OPN3: variants seen among roughly 807,000 people sequenced by gnomAD.
The protein encoded by OPN3 is opsin 3.
A neutral mutation model predicts 33.8 loss-of-function variants in OPN3; 29 were observed. That is an observed-to-expected ratio of 0.86 (90% CI 0.64 to 1.17). The LOEUF is 1.17. OPN3 is among the 50% of genes most tolerant of loss of function. The pLI, the probability that OPN3 is intolerant of heterozygous loss-of-function variation, is 0.00. For synonymous variants in OPN3, 216 were observed against 216.1 expected (o/e 1.00, Z 0.00); for missense variants, 437 against 514.1 (o/e 0.85, Z 1.45).
intron 1 of OPN3, among the ~76,000 whole-genome samples, chr1:241,627,061 A>G (rs776662779): frequency 6.6e-6 from 1 of 152,184 alleles, no homozygotes; most frequent in Non-Finnish European, 1.5e-5. Flanking sequence ...AATTAAATAT[A>G]TATTTAGCAA....
chr1:241,638,182 C>T (rs1164800081), intron 1 of OPN3, among the ~76,000 whole-genome samples: 1 of 152,126 alleles, frequency 6.6e-6, no homozygotes, highest in Non-Finnish European at 1.5e-5. Context: ...GCACTAAATG[C>T]CCTGAAAAAT....
intron 2 of OPN3, 100 bp from the exon 3 acceptor site, chr1:241,598,097 C>G: frequency 7.4e-7 from 1 of 1,346,690 alleles, no homozygotes; most frequent in Non-Finnish European, 9.9e-7. Flanking sequence ...TTGGCCCCAC[C>G]TAAATGGAAA....
chr1:241,598,832 T>G (rs1433307070), intron 2 of OPN3, among the ~76,000 whole-genome samples: 1 of 152,208 alleles, frequency 6.6e-6, no homozygotes, highest in African/African-American at 2.4e-5. Context: ...CTCTAAACAT[T>G]GTAATAAGTT....
intron 2 of OPN3, among the ~76,000 whole-genome samples, chr1:241,599,196 G>A (rs1663617277): frequency 6.6e-6 from 1 of 151,948 alleles, no homozygotes; most frequent in Non-Finnish European, 1.5e-5. Context: ...TTTTTTTAGG[G>A]TAGAGAGACT....
At chr1:241,612,932 G>C (rs1233841226) in intron 1 of OPN3, among the ~76,000 whole-genome samples, 1 of 152,004 alleles carries the variant, frequency 6.6e-6, no homozygotes, top group African/African-American at 2.4e-5. Context: ...TGAATTTTAG[G>C]GTCTCCTCCA....
At chr1:241,608,567 T>C (rs1663900095) in intron 1 of OPN3, among the ~76,000 whole-genome samples, 2 of 152,184 alleles carry the variant, frequency 1.3e-5, no homozygotes, top group African/African-American at 2.4e-5. Context: ...ACGCAGCTGC[T>C]ATTGGCAGGC....
At chr1:241,611,713 C>A (rs1307205849) in intron 1 of OPN3, among the ~76,000 whole-genome samples, 1 of 152,194 alleles carries the variant, frequency 6.6e-6, no homozygotes. Context: ...ATGCGTGGAG[C>A]TTGGAATGTG....
In OPN3 at chr1:241,594,146, T is replaced by C. The variant is rs2147991903; in HGVS notation, c.*282A>G. 1 of 342,232 alleles carries C rather than the reference T, an allele frequency of 2.9e-6. No homozygotes were observed. The highest frequency in any genetic ancestry group is 2.1e-5 in the African/African-American group (1 of 47,242). The allele number at this position is 342,232 out of a possible 1,614,324, so 21.2% of individuals were successfully genotyped here. ...AATAGAGTAATTTAAAAAATATATT[T>C]GAAATGAAAATCTCCAACACATTAG... On this transcript the variant is annotated 3_prime_UTR_variant, in exon 4 of 4. Transcript: ENST00000366554.
chr1:241,634,348 CT>C, intron 1 of OPN3: 1 of 1,613,984 alleles, frequency 6.2e-7, no homozygotes, highest in South Asian at 1.1e-5. Flanking sequence ...GAATGGAAGT[CT>C]GCTGATCTAA....
At chr1:241,633,972 C>T (rs1474601203) in intron 1 of OPN3, 1 of 1,613,912 alleles carries the variant, frequency 6.2e-7, no homozygotes, top group South Asian at 1.1e-5. Flanking sequence ...GGAAAGATCT[C>T]CTGGAAAAGT....
At chr1:241,621,654 G>A (rs1254633411) in intron 1 of OPN3, among the ~76,000 whole-genome samples, 8 of 152,050 alleles carry the variant, frequency 5.3e-5, no homozygotes, top group Non-Finnish European at 1.2e-4. Flanking sequence ...GGGCAGCCAG[G>A]GTTAAGTTAA....
chr1:241,605,582 GACT>G (rs1663808031), intron 1 of OPN3, among the ~76,000 whole-genome samples: 1 of 152,254 alleles, frequency 6.6e-6, no homozygotes, highest in African/African-American at 2.4e-5. Context: ...GGCCCATGGT[GACT>G]AAGAGACAGA....
In OPN3 at chr1:241,629,053, T is replaced by A. The variant is rs76060912; in HGVS notation, c.373+10829A>T. On this transcript the variant is annotated intron_variant, in intron 1 of 3. Transcript: ENST00000366554. The stretch of plus-strand genomic sequence containing the variant: ...CATTTTTGAATCTCACTTTTTTGCA[T>A]ACAATTTGACATATATCAATATTAT... 2.0e-4 allele frequency: 30 copies of A among 152,728 alleles called. No individual in the cohort carries two copies. In the East Asian group the frequency reaches 5.0e-3, roughly 26 times the overall value. The allele number at this position is 152,728 out of a possible 1,614,324, so 9.5% of individuals were successfully genotyped here.
chr1:241,606,586 TA>T (rs1553354184), intron 1 of OPN3, among the ~76,000 whole-genome samples: 14 of 126,866 alleles, frequency 1.1e-4, no homozygotes, highest in Non-Finnish European at 1.9e-4. Context: ...AATAAATAAA[TA>T]AAATAAATAA....
At position 241,597,875 on chromosome 1, in the gene OPN3, G is replaced by A. The variant is rs1469003844; in HGVS notation, c.816C>T (p.Ile272=). The A allele has an allele frequency of 6.2e-6, 10 of 1,613,734 alleles. No homozygotes were observed. Among genetic ancestry groups the A allele is most frequent in the Middle Eastern group, 1.6e-4 (1 of 6,084 alleles). Residue 272 remains isoleucine (I), a synonymous_variant, in exon 3 of 4, where the codon ATC becomes ATT. Transcript: ENST00000366554. The part of the protein sequence containing the change: ...FTFLVCWMPY[I]VICFLVVNGH... ...CATTAACCACCAAGAAGCAGATCAC[G>A]ATATAAGGCATCCAACAGACCAGGA... is the stretch of plus-strand genomic sequence containing the variant.
chr1:241,629,859 A>T, intron 1 of OPN3: 1 of 152,074 alleles, frequency 6.6e-6, no homozygotes, highest in East Asian at 1.9e-4. Context: ...GGCACCACAG[A>T]ATATTCAGAA....
intron 1 of OPN3, among the ~76,000 whole-genome samples, 191 bp downstream of exon 1, chr1:241,639,691 G>A (rs1484414786): frequency 6.7e-6 from 1 of 148,832 alleles, no homozygotes; most frequent in African/African-American, 2.5e-5. Flanking sequence ...GAAGAGGAAG[G>A]CACCCGCCAT....
At chr1:241,634,317 G>C (rs1376919785) in intron 1 of OPN3, 2 of 1,613,804 alleles carry the variant, frequency 1.2e-6, no homozygotes, top group African/African-American at 2.7e-5. Context: ...CAAGCTCCTG[G>C]CTCTGCTGGA....
intron 1 of OPN3, among the ~76,000 whole-genome samples, chr1:241,618,270 GC>G (rs1461188951): frequency 1.3e-5 from 2 of 152,134 alleles, no homozygotes; most frequent in African/African-American, 4.8e-5. Context: ...GTTTCCAAAT[GC>G]CAGCTTTTGA....
Sources: gnomAD v4.1 joint callset for allele counts (sites outside exome capture counted in the v4.1 genomes callset) on GRCh38, gnomAD v4.1.1 for gene constraint, MANE v1.5 for transcripts, NCBI Gene and HGNC (gene_info 2026-07-23, HGNC 2026-07-21) for gene names.